DIAPH1: variants seen among roughly 807,000 people sequenced by gnomAD.
The protein encoded by DIAPH1 is diaphanous related formin 1, also known as protein diaphanous homolog 1.
In DIAPH1, 46 loss-of-function variants were observed where a neutral mutation model predicts 140.7. The observed-to-expected ratio is 0.33, with a 90% confidence interval of 0.26 to 0.42. The LOEUF (loss-of-function observed/expected upper bound fraction) is 0.42, where lower values mean the gene tolerates loss of function less well. Ranked by LOEUF, DIAPH1 falls within the 10% of genes least tolerant of loss-of-function variation. The pLI is 1.00. For synonymous variants in DIAPH1, 565 were observed against 551.6 expected (o/e 1.02, Z -0.34); for missense variants, 1,310 against 1,558.7 (o/e 0.84, Z 2.69).
intron 1 of DIAPH1, among the ~76,000 whole-genome samples, chr5:141,603,832 G>A (rs1438875778): frequency 6.6e-6 from 1 of 152,126 alleles, no homozygotes; most frequent in African/African-American, 2.4e-5. Flanking sequence ...AAGAAGGCAA[G>A]TACCTTGGGG....
At position 141,618,949 on chromosome 5, in the gene DIAPH1, A is replaced by C; in HGVS notation, c.-35T>G. ...CACGCTGGCCGGCGACCCCGCGCCT[A>C]CGCCGCTCCCGCCTGGCAGCTCCGC... On this transcript the variant is annotated 5_prime_UTR_variant, in exon 1 of 28. Coordinates refer to ENST00000389054, the MANE Select transcript of DIAPH1 (RefSeq NM_005219.5). The C allele has an allele frequency of 7.7e-7, 1 of 1,296,996 alleles. No homozygotes were observed. Among genetic ancestry groups the C allele is most frequent in the Non-Finnish European group, 1.0e-6 (1 of 968,456 alleles). The allele number at this position is 1,296,996 out of a possible 1,614,324, so 80.3% of individuals were successfully genotyped here. A position where few individuals can be genotyped will look rare whatever the true frequency, so the allele number is the denominator to read the frequency against.
chr5:141,517,322 A>G lies in DIAPH1; in HGVS notation c.3662-314T>C, dbSNP rs185318932. 3.2e-4 allele frequency among the ~76,000 whole-genome samples: 49 copies of G among 152,336 alleles called. No homozygotes were observed. The East Asian group carries it at 8.9e-3, about 28-fold the overall frequency. On this transcript the variant is annotated intron_variant, in intron 27 of 27. Coordinates refer to ENST00000389054, the MANE Select transcript of DIAPH1 (RefSeq NM_005219.5). ...TGTTAGCTATGTGACTTAAGGAGAG[A>G]TGAAGTATTCAAAGTCTATTTTCTC...
Position 141,579,081 on chromosome 5 carries a change from T to C in DIAPH1, c.933+7A>G, listed in dbSNP as rs922172379. ...TTCTTGGGCCCAGTTTCAGGGGATATACATGCCTTCAGTGCAATAGTGGTT... is the reference window on the plus strand; with the variant it reads ...TTCTTGGGCCCAGTTTCAGGGGATACACATGCCTTCAGTGCAATAGTGGTT... On this transcript the variant is annotated splice_region_variant and intron_variant, in intron 9 of 27. Coordinates refer to ENST00000389054, the MANE Select transcript of DIAPH1 (RefSeq NM_005219.5). The C allele has an allele frequency of 9.3e-6, 15 of 1,606,180 alleles. No individual in the cohort carries two copies. The highest frequency in any genetic ancestry group is 2.7e-5 in the African/African-American group (2 of 74,786).
chr5:141,616,759 ATTTAGT>A (rs2099902754), intron 1 of DIAPH1, among the ~76,000 whole-genome samples: 1 of 152,210 alleles, frequency 6.6e-6, no homozygotes, highest in African/African-American at 2.4e-5. Context: ...TACCTGAGCT[ATTTAGT>A]TTTAAAAATT....
Position 141,587,030 on chromosome 5 carries a change from T to C in DIAPH1, c.300+12A>G, listed in dbSNP as rs201535699. The C allele has an allele frequency of 1.6e-4, 252 of 1,614,076 alleles. No individual in the cohort carries two copies. Among genetic ancestry groups the C allele is most frequent in the Non-Finnish European group, 1.4e-4 (162 of 1,179,958 alleles). On this transcript the variant is annotated intron_variant, in intron 3 of 27. Coordinates refer to ENST00000389054, the MANE Select transcript of DIAPH1 (RefSeq NM_005219.5). ...ACAGGAAGAAGCAACATTTTGGGAA[T>C]GGGAAACTTACCAGCATCTGTTCAA...
chr5:141,597,467 A>G (rs988683588), intron 1 of DIAPH1, among the ~76,000 whole-genome samples: 41 of 152,256 alleles, frequency 2.7e-4, no homozygotes, highest in African/African-American at 9.6e-4. Context: ...TTTAAGCTTT[A>G]AAAAATCTGT....
Position 141,580,761 on chromosome 5 carries a change from T to C in DIAPH1, c.807A>G (p.Leu269=), listed in dbSNP as rs746915799. 1.3e-5 allele frequency: 21 copies of C among 1,614,010 alleles called. No individual in the cohort carries two copies. The highest frequency in any genetic ancestry group is 6.7e-5 in the Admixed American group (4 of 60,008). The change falls in exon 8 of 28, where the codon CTA becomes CTG. Residue 269 remains leucine, a synonymous_variant. Coordinates refer to ENST00000389054, the MANE Select transcript of DIAPH1 (RefSeq NM_005219.5). The stretch of plus-strand genomic sequence containing the variant: ...TCACATACATGTCCTCTGGCTGCGG[T>C]AGAATACAAAGAGCAGAAAGCAGCT... ...AAKLLSALCI[L]PQPEDMNERV... is the part of the protein sequence containing the mutation.
chr5:141,592,833 T>TA (rs971359565), intron 1 of DIAPH1, among the ~76,000 whole-genome samples: 7 of 152,340 alleles, frequency 4.6e-5, no homozygotes, highest in Non-Finnish European at 7.3e-5. Context: ...TGAATTTTTT[T>TA]AAAATATCCA....
At chr5:141,590,741 TAAAA>T (rs11387857) in intron 1 of DIAPH1, among the ~76,000 whole-genome samples, 1 of 143,464 alleles carries the variant, frequency 7.0e-6, no homozygotes, top group Non-Finnish European at 1.5e-5. Flanking sequence ...AGCTTAAGTT[TAAAA>T]AAAAAAAAAG....
chr5:141,608,265 CTG>C (rs1178381549), intron 1 of DIAPH1, among the ~76,000 whole-genome samples: 2 of 152,196 alleles, frequency 1.3e-5, no homozygotes, highest in Non-Finnish European at 2.9e-5. Flanking sequence ...GACTGCACCA[CTG>C]CGCTCCAGCC....
chr5:141,598,253 CAAA>C (rs1312617205), intron 1 of DIAPH1, among the ~76,000 whole-genome samples: 1 of 151,936 alleles, frequency 6.6e-6, no homozygotes, highest in Non-Finnish European at 1.5e-5. Context: ...TTAATGAAAA[CAAA>C]ATATTTTTAA....
intron 1 of DIAPH1, among the ~76,000 whole-genome samples, chr5:141,597,403 T>C (rs2099899498): frequency 6.6e-6 from 1 of 152,172 alleles, no homozygotes; most frequent in South Asian, 2.1e-4. Context: ...TACAAATCTA[T>C]ACCCAACAAA....
chr5:141,528,867 C>A lies in DIAPH1; in HGVS notation c.2853G>T (p.Glu951Asp). The change falls in exon 22 of 28, where the codon GAG becomes GAT. Residue 951 changes from glutamate to aspartate, a missense_variant. This residue lies in a region of DIAPH1 where 344 missense variants were observed against 512.2 expected (regional missense o/e 0.67). Transcript: ENST00000389054. ...CAGACACAATCTCTGGCTTGATATTCTCCACTTGCTCGCTGAATTGTAGCT... is the reference window on the plus strand; with the variant it reads ...CAGACACAATCTCTGGCTTGATATTATCCACTTGCTCGCTGAATTGTAGCT... The part of the protein sequence containing the change: ...LFKLQFSEQV[E>D]NIKPEIVSVT... The A allele has an allele frequency of 6.2e-7, 1 of 1,614,246 alleles. No individual in the cohort carries two copies. The highest frequency in any genetic ancestry group is 1.3e-5 in the African/African-American group (1 of 75,068).
Position 141,528,878 on chromosome 5 carries a change from C to T in DIAPH1, c.2842G>A (p.Glu948Lys), listed in dbSNP as rs2099887786. 1.2e-6 allele frequency: 2 copies of T among 1,614,060 alleles called. No individual in the cohort carries two copies. Among genetic ancestry groups the T allele is most frequent in the Non-Finnish European group, 1.7e-6 (2 of 1,180,054 alleles). The change falls in exon 22 of 28, where the codon GAG becomes AAG. Residue 948 changes from glutamate (E) to lysine (K), a missense_variant. Physicochemically the swap from Glu to Lys is moderately conservative, Grantham distance 56. Around this residue, in one of 3 missense-constraint regions of DIAPH1, gnomAD observed 344 missense variants for 512.2 expected, o/e 0.67. Transcript: ENST00000389054. The part of the protein sequence containing the change: ...NAILFKLQFS[E>K]QVENIKPEIV... ...TCTGGCTTGATATTCTCCACTTGCT[C>T]GCTGAATTGTAGCTTGAAGAGAATG... is the stretch of plus-strand genomic sequence containing the variant.
chr5:141,537,689 A>G (rs1163143808), intron 18 of DIAPH1, among the ~76,000 whole-genome samples: 4 of 152,080 alleles, frequency 2.6e-5, no homozygotes, highest in African/African-American at 7.2e-5. Context: ...AGACAGTTAT[A>G]TTTAAAAAGT....
At chr5:141,601,268 T>C (rs2099900109) in intron 1 of DIAPH1, among the ~76,000 whole-genome samples, 1 of 149,258 alleles carries the variant, frequency 6.7e-6, no homozygotes. Context: ...AATAAAATCT[T>C]AGACACAGAA....
intron 1 of DIAPH1, among the ~76,000 whole-genome samples, chr5:141,606,392 T>TTTTA (rs1055444205): frequency 3.3e-5 from 5 of 152,124 alleles, no homozygotes; most frequent in South Asian, 2.1e-4. Context: ...CTGCTTTCAT[T>TTTTA]TTTATTTATT....
intron 18 of DIAPH1, among the ~76,000 whole-genome samples, chr5:141,554,225 C>T (rs112424890): frequency 0.13 from 19,069 of 152,022 alleles, 1,257 homozygotes; most frequent in Non-Finnish European, 0.16. Context: ...TGCAGTGAGC[C>T]GAGATTGTGC....
chr5:141,614,700 G>A (rs948685478), intron 1 of DIAPH1, among the ~76,000 whole-genome samples: 2 of 152,088 alleles, frequency 1.3e-5, no homozygotes, highest in African/African-American at 4.8e-5. Context: ...GACAAGGCAG[G>A]AAGAATGGCG....
Sources: allele counts gnomAD v4.1 joint callset (sites outside exome capture counted in the v4.1 genomes callset), GRCh38; gene constraint gnomAD v4.1.1; regional missense constraint gnomAD v4.1.1; transcripts MANE v1.5; gene names NCBI Gene and HGNC (gene_info 2026-07-23, HGNC 2026-07-21).